Variants in ARK2N observed in about 807,000 individuals in gnomAD.
The protein encoded by ARK2N is arkadia (RNF111) N-terminal like PKA signaling regulator 2N, also known as protein ARK2N.
chr18:46,251,467 A>G, the ARK2N span, among the ~76,000 whole-genome samples: 1 of 152,212 alleles, frequency 6.6e-6, no homozygotes. Flanking sequence ...AATCTGGATT[A>G]CAAACCCACG....
At chr18:46,208,374 A>G in the ARK2N span, among the ~76,000 whole-genome samples, 5 of 148,612 alleles carry the variant, frequency 3.4e-5, no homozygotes, top group East Asian at 1.0e-3. Context: ...TCGTGATAAT[A>G]TTTTTTGTGT....
the ARK2N span, among the ~76,000 whole-genome samples, chr18:46,191,330 A>C: frequency 4.6e-5 from 7 of 151,988 alleles, no homozygotes; most frequent in Admixed American, 2.0e-4. Flanking sequence ...TTGATACATT[A>C]TTATTTATTG....
At chr18:46,258,570 G>A in the ARK2N span, among the ~76,000 whole-genome samples, 3 of 152,066 alleles carry the variant, frequency 2.0e-5, no homozygotes, top group Non-Finnish European at 4.4e-5. Context: ...AACATTTTGG[G>A]AAGCAAGACC....
chr18:46,206,621 T>G, the ARK2N span, among the ~76,000 whole-genome samples: 3 of 152,190 alleles, frequency 2.0e-5, no homozygotes, highest in Non-Finnish European at 4.4e-5. Flanking sequence ...TGAGAATCAC[T>G]CAGCTGAGTT....
the ARK2N span, among the ~76,000 whole-genome samples, chr18:46,250,163 C>T: frequency 3.3e-5 from 5 of 152,002 alleles, no homozygotes; most frequent in South Asian, 2.1e-4. Flanking sequence ...AGAACAGTAC[C>T]GATTGTACCA....
the ARK2N span, among the ~76,000 whole-genome samples, chr18:46,207,264 C>G: frequency 2.0e-5 from 3 of 151,978 alleles, no homozygotes; most frequent in African/African-American, 7.3e-5. Context: ...TTCTAGTCCA[C>G]TGTGGATTGA....
chr18:46,238,524 A>G, the ARK2N span, among the ~76,000 whole-genome samples: 1 of 152,190 alleles, frequency 6.6e-6, no homozygotes, highest in Non-Finnish European at 1.5e-5. Context: ...ACTGATACCA[A>G]GGCCACACTG....
chr18:46,181,252 C>A, the ARK2N span, among the ~76,000 whole-genome samples: 1 of 151,962 alleles, frequency 6.6e-6, no homozygotes, highest in Non-Finnish European at 1.5e-5. Context: ...CAGAGCAAGA[C>A]TCCCTCTCGG....
the ARK2N span, among the ~76,000 whole-genome samples, chr18:46,224,254 A>G: frequency 6.6e-6 from 1 of 152,186 alleles, no homozygotes. Context: ...AAACTTAACT[A>G]CATTTTTTTG....
At chr18:46,219,732 G>T in the ARK2N span, among the ~76,000 whole-genome samples, 6 of 152,150 alleles carry the variant, frequency 3.9e-5, no homozygotes, top group South Asian at 1.2e-3. Context: ...GGCCTCCCAA[G>T]TGCTGTGATT....
chr18:46,218,236 T>C, the ARK2N span: 1 of 152,234 alleles, frequency 6.6e-6, no homozygotes, highest in African/African-American at 2.4e-5. Flanking sequence ...CTAATCTTCT[T>C]TCTAATTGAG....
the ARK2N span, among the ~76,000 whole-genome samples, chr18:46,210,576 T>C: frequency 1.3e-5 from 2 of 151,996 alleles, no homozygotes; most frequent in Non-Finnish European, 2.9e-5. Flanking sequence ...GAAATAAAAT[T>C]ACTAGTCTAG....
At chr18:46,253,963 A>C in the ARK2N span, 1 of 1,012,904 alleles carries the variant, frequency 9.9e-7, no homozygotes, top group Non-Finnish European at 1.4e-6. Context: ...TGTTTTGTTT[A>C]AGAAACACTT....
At chr18:46,206,284 C>T in the ARK2N span, among the ~76,000 whole-genome samples, 1 of 151,782 alleles carries the variant, frequency 6.6e-6, no homozygotes, top group Non-Finnish European at 1.5e-5. Flanking sequence ...TGGAGTCTCA[C>T]TATGTTTCCC....
At chr18:46,240,147 G>A in the ARK2N span, 1 of 1,614,180 alleles carries the variant, frequency 6.2e-7, no homozygotes, top group Admixed American at 1.7e-5. Flanking sequence ...GAGCTACCTG[G>A]AGGACCAGCG....
the ARK2N span, among the ~76,000 whole-genome samples, chr18:46,208,053 C>T: frequency 6.6e-6 from 1 of 152,182 alleles, no homozygotes; most frequent in Non-Finnish European, 1.5e-5. Flanking sequence ...TGTATTTATG[C>T]AGCTGAACTT....
At chr18:46,212,508 T>C in the ARK2N span, among the ~76,000 whole-genome samples, 2 of 152,212 alleles carry the variant, frequency 1.3e-5, no homozygotes, top group Admixed American at 1.3e-4. Context: ...TACCTCTCTA[T>C]ATAAAGTGCT....
At chr18:46,216,877 A>T in the ARK2N span, 3,900 of 339,490 alleles carry the variant, frequency 0.011, 90 homozygotes, top group African/African-American at 0.059. This position sits in a 1 kb window ranked among gnomAD's most constrained non-coding sequence, Gnocchi z 4.3. Context: ...GTAACACATT[A>T]CCTGAACTCC....
At chr18:46,248,800 G>A in the ARK2N span, among the ~76,000 whole-genome samples, 3 of 152,128 alleles carry the variant, frequency 2.0e-5, no homozygotes, top group Admixed American at 1.3e-4. Context: ...GGCTAGGATG[G>A]TCTCCATCTC....
Sources: gnomAD v4.1 joint callset for allele counts (sites outside exome capture counted in the v4.1 genomes callset) on GRCh38, gnomAD v4.1.1 for gene constraint, Gnocchi (gnomAD v3.1) non-coding constraint, MANE v1.5 for transcripts, NCBI Gene and HGNC (gene_info 2026-07-23, HGNC 2026-07-21) for gene names.